Variants in TTC19 observed in about 807,000 individuals in gnomAD.
TTC19 encodes the protein tetratricopeptide repeat protein 19, mitochondrial.
In TTC19, 38 loss-of-function variants were observed where a neutral mutation model predicts 49.5. The ratio of observed to expected loss-of-function variants is 0.77; its 90% confidence interval spans 0.59 to 1.01. The LOEUF (loss-of-function observed/expected upper bound fraction) is 1.01. Among genes scored for constraint, TTC19 ranks in the 50% least tolerant of loss-of-function variants. TTC19 has a pLI of 0.00. For missense variants in TTC19, 475 were observed against 477.7 expected (o/e 0.99, Z 0.05); for synonymous variants, 204 against 185.2 (o/e 1.10, Z -0.83).
intron 2 of TTC19, among the ~76,000 whole-genome samples, chr17:16,001,261 C>G (rs1970720252): frequency 6.6e-6 from 1 of 152,206 alleles, no homozygotes. Flanking sequence ...CAACACCCCA[C>G]ATGATCTAAA....
chr17:16,003,770 C>CATAT lies in TTC19; in HGVS notation c.463-49_463-46dup, dbSNP rs56782815. 1.5e-5 allele frequency: 20 copies of CATAT among 1,354,352 alleles called. No individual in the cohort carries two copies. In the Admixed American group the frequency reaches 1.6e-4, roughly 11 times the overall value. The allele number at this position is 1,354,352 out of a possible 1,614,324, so 83.9% of individuals were successfully genotyped here. A position where few individuals can be genotyped will look rare whatever the true frequency, so the allele number is the denominator to read the frequency against. ...CAGACTGGCACTTAGAATCCAGGGT[C>CATAT]ATATATATATATATAAAATGGGGCC... is the stretch of plus-strand genomic sequence containing the variant. On this transcript the variant is annotated intron_variant, in intron 4 of 9. Transcript: ENST00000261647.
intron 7 of TTC19, among the ~76,000 whole-genome samples, chr17:16,011,184 G>A (rs1256340454): frequency 6.6e-6 from 1 of 151,726 alleles, no homozygotes; most frequent in Admixed American, 6.6e-5. Context: ...TCTTTTTTTT[G>A]TTTTTGTTTT....
chr17:16,044,608 A>G, exon 3 of TTC19: 1 of 589,378 alleles, frequency 1.7e-6, no homozygotes, highest in Admixed American at 2.0e-5. Context: ...CCAGCCCCAC[A>G]CTTGCCCATA....
rs755348301 is a variant in TTC19, at chr17:16,027,817, T to C, written c.*295T>C. 3 of 505,944 alleles carry C rather than the reference T, an allele frequency of 5.9e-6. No homozygotes were observed. Among genetic ancestry groups the C allele is most frequent in the East Asian group, 1.0e-4 (2 of 20,100 alleles). 31.3% of individuals were successfully genotyped at this position (505,944 alleles called of 1,614,324 possible). A position where few individuals can be genotyped will look rare whatever the true frequency, so the allele number is the denominator to read the frequency against. On this transcript the variant is annotated 3_prime_UTR_variant, in exon 10 of 10. Transcript: ENST00000261647. ...GTCTAAGTAGAACTGTAGATTCATA[T>C]GGGCTGGTGTTCCTGTGCGCTGTGG...
chr17:16,038,327 T>C (rs2151948909), intron 2 of TTC19, among the ~76,000 whole-genome samples: 1 of 152,350 alleles, frequency 6.6e-6, no homozygotes, highest in African/African-American at 2.4e-5. Flanking sequence ...GCAACTCTTA[T>C]CTGGCTATCC....
intron 2 of TTC19, chr17:16,034,721 A>G (rs760941915): frequency 2.7e-6 from 4 of 1,499,082 alleles, no homozygotes; most frequent in East Asian, 4.5e-5. Flanking sequence ...AGACATTGAT[A>G]TTATTGCTCT....
intron 2 of TTC19, among the ~76,000 whole-genome samples, chr17:16,043,330 G>A (rs1330605024): frequency 6.6e-6 from 1 of 152,154 alleles, no homozygotes; most frequent in African/African-American, 2.4e-5. Flanking sequence ...GGCTAAATGT[G>A]CCATGGTGGG....
rs1484278641 is a variant in TTC19, at chr17:16,028,243, T to C, written c.*721T>C. 2.2e-6 allele frequency: 1 copy of C among 454,008 alleles called. No individual in the cohort carries two copies. Among genetic ancestry groups the C allele is most frequent in the Non-Finnish European group, 4.4e-6 (1 of 226,800 alleles). The allele number at this position is 454,008 out of a possible 1,614,324, so 28.1% of individuals were successfully genotyped here. ...TGTCTGTGTTATCTGAACACTCTAC[T>C]TCCTTTGCAGCCTTAGTCACACAAC... On this transcript the variant is annotated 3_prime_UTR_variant, in exon 10 of 10. Coordinates refer to ENST00000261647, the MANE Select transcript of TTC19 (RefSeq NM_017775.4).
chr17:16,029,119 GTT>G lies in TTC19; in HGVS notation c.*1601_*1602del, dbSNP rs1352395827. On this transcript the variant is annotated 3_prime_UTR_variant, in exon 10 of 10. Transcript: ENST00000261647. The stretch of plus-strand genomic sequence containing the variant: ...ACCACTCACCTTTTGCATTGAGAAT[GTT>G]TTTACCTTTTCACAACTGCAGGGGT... 1 of 447,248 alleles carries G rather than the reference GTT, an allele frequency of 2.2e-6. No homozygotes were observed. Among genetic ancestry groups the G allele is most frequent in the Non-Finnish European group, 4.5e-6 (1 of 223,668 alleles). The allele number at this position is 447,248 out of a possible 1,614,324, so 27.7% of individuals were successfully genotyped here. A position where few individuals can be genotyped will look rare whatever the true frequency, so the allele number is the denominator to read the frequency against.
chr17:16,000,836 A>T (rs1970705315), intron 2 of TTC19, among the ~76,000 whole-genome samples: 1 of 152,180 alleles, frequency 6.6e-6, no homozygotes, highest in South Asian at 2.1e-4. Context: ...GCCCAAAACT[A>T]AACGATCTTT....
chr17:16,027,761 T>A lies in TTC19; in HGVS notation c.*239T>A, dbSNP rs1567588955. 1.7e-6 allele frequency: 1 copy of A among 581,274 alleles called. No homozygotes were observed. The highest frequency in any genetic ancestry group is 3.2e-6 in the Non-Finnish European group (1 of 308,436). 36.0% of individuals were successfully genotyped at this position (581,274 alleles called of 1,614,324 possible). A position where few individuals can be genotyped will look rare whatever the true frequency, so the allele number is the denominator to read the frequency against. On this transcript the variant is annotated 3_prime_UTR_variant, in exon 10 of 10. Coordinates refer to ENST00000261647, the MANE Select transcript of TTC19 (RefSeq NM_017775.4). ...GATGTCGTCAAGTGATGCTTTCAGT[T>A]GTAACACGTGACTTGGTGCTGTCCC...
chr17:16,039,065 G>A (rs1489310110), intron 2 of TTC19, among the ~76,000 whole-genome samples: 7 of 152,040 alleles, frequency 4.6e-5, no homozygotes, highest in Non-Finnish European at 7.4e-5. Flanking sequence ...CACCGCACCC[G>A]GCTGGCTTAT....
chr17:16,024,168 T>C (rs1375762237), intron 7 of TTC19: 2 of 152,246 alleles, frequency 1.3e-5, no homozygotes, highest in Non-Finnish European at 2.9e-5. Flanking sequence ...TTAGGTATTT[T>C]AAGCTTGTTT....
chr17:16,006,502 T>A lies in TTC19; in HGVS notation c.610T>A (p.Phe204Ile), dbSNP rs1970913348. The stretch of plus-strand genomic sequence containing the variant: ...GGAATTTGCTGTTGCTGGCTATGAA[T>A]TCTGCATTTCAACTCTAGAGGAAAA... ...RQEFAVAGYE[F>I]CISTLEEKIE... The change falls in exon 7 of 10, where the codon TTC becomes ATC. Residue 204 changes from phenylalanine to isoleucine, a missense_variant. By Grantham distance (21) the Phe-to-Ile change is conservative. Coordinates refer to ENST00000261647, the MANE Select transcript of TTC19 (RefSeq NM_017775.4). 1 of 1,613,392 alleles carries A rather than the reference T, an allele frequency of 6.2e-7. No homozygotes were observed. Among genetic ancestry groups the A allele is most frequent in the Admixed American group, 1.7e-5 (1 of 60,006 alleles).
chr17:16,032,711 T>A (rs1597497844), downstream of TTC19, among the ~76,000 whole-genome samples: 1 of 152,190 alleles, frequency 6.6e-6, no homozygotes, highest in Non-Finnish European at 1.5e-5. Flanking sequence ...ATGAGTAGCA[T>A]ATGAGTGAGG....
rs1194662455 is a variant in TTC19 at position 16,028,796 on chromosome 17, T to A, written c.*1274T>A. 2.8e-6 allele frequency: 1 copy of A among 351,772 alleles called. No individual in the cohort carries two copies. Among genetic ancestry groups the A allele is most frequent in the Non-Finnish European group, 5.2e-6 (1 of 193,904 alleles). 21.8% of individuals were successfully genotyped at this position (351,772 alleles called of 1,614,324 possible). A position where few individuals can be genotyped will look rare whatever the true frequency, so the allele number is the denominator to read the frequency against. On this transcript the variant is annotated 3_prime_UTR_variant, in exon 10 of 10. Transcript: ENST00000261647. ...AGACTACACAACAATATTGTATGTATCCCAGTAATCTTTGCATTTCTCAAA... is the reference window on the plus strand; with the variant it reads ...AGACTACACAACAATATTGTATGTAACCCAGTAATCTTTGCATTTCTCAAA...
At chr17:16,041,575 C>T (rs1355746990) in intron 2 of TTC19, among the ~76,000 whole-genome samples, 2 of 150,694 alleles carry the variant, frequency 1.3e-5, no homozygotes, top group African/African-American at 4.9e-5. Flanking sequence ...CCACCATGCC[C>T]AGCTAATTTT....
Position 16,027,528 on chromosome 17 carries a change from T to A in TTC19, c.*6T>A, listed in dbSNP as rs758707205. 9.3e-6 allele frequency: 15 copies of A among 1,613,620 alleles called. No individual in the cohort carries two copies. Among genetic ancestry groups the A allele is most frequent in the Non-Finnish European group, 1.2e-5 (14 of 1,179,794 alleles). ...CAAATTCTGTCAAGCTCTAAATCCATTTTTGTGTAGGGAGAATAATGTCTA... is the reference window on the plus strand; with the variant it reads ...CAAATTCTGTCAAGCTCTAAATCCAATTTTGTGTAGGGAGAATAATGTCTA... On this transcript the variant is annotated 3_prime_UTR_variant, in exon 10 of 10. Transcript: ENST00000261647.
At chr17:16,026,310 T>C (rs967055643) in intron 8 of TTC19, among the ~76,000 whole-genome samples, 7 of 152,234 alleles carry the variant, frequency 4.6e-5, no homozygotes, top group Non-Finnish European at 1.0e-4. Context: ...GTCTGTTACC[T>C]AATTTCCAGA....
Sources: allele counts gnomAD v4.1 joint callset (sites outside exome capture counted in the v4.1 genomes callset), GRCh38; gene constraint gnomAD v4.1.1; transcripts MANE v1.5; gene names NCBI Gene and HGNC (gene_info 2026-07-23, HGNC 2026-07-21).